RUNX1: variants seen among roughly 807,000 people sequenced by gnomAD.
RUNX1 encodes the protein runt-related transcription factor 1.
RUNX1 carries 19 observed loss-of-function variants against 42.8 expected under a neutral mutation model. The ratio of observed to expected loss-of-function variants is 0.44; its 90% CI spans 0.31 to 0.65. RUNX1 has a LOEUF of 0.65. Among genes scored for constraint, RUNX1 ranks in the 30% least tolerant of loss-of-function variants. RUNX1 has a pLI of 0.07. For missense variants in RUNX1, 528 were observed against 672.0 expected (o/e 0.79, Z 2.37); for synonymous variants, 271 against 289.4 (o/e 0.94, Z 0.64).
chr21:35,044,430 T>G (rs2059382067), intron 2 of RUNX1, among the ~76,000 whole-genome samples: 1 of 152,206 alleles, frequency 6.6e-6, no homozygotes. Context: ...TTACTTTATA[T>G]GGCTGGGCAA....
chr21:34,931,219 A>G (rs2058442053), intron 2 of RUNX1, among the ~76,000 whole-genome samples: 1 of 151,884 alleles, frequency 6.6e-6, no homozygotes, highest in Admixed American at 6.6e-5. Context: ...ACTTCTTTAG[A>G]ATCCCTCCAA....
intron 7 of RUNX1, among the ~76,000 whole-genome samples, chr21:34,810,375 A>G (rs1042696798): frequency 6.6e-6 from 1 of 152,264 alleles, no homozygotes; most frequent in Non-Finnish European, 1.5e-5. Flanking sequence ...ATTCTAATAA[A>G]ATCAGAAGAA....
At chr21:35,015,751 C>T (rs2059154689) in intron 2 of RUNX1, among the ~76,000 whole-genome samples, 1 of 152,176 alleles carries the variant, frequency 6.6e-6, no homozygotes, top group Admixed American at 6.5e-5. Context: ...GCATCATCTC[C>T]CACTAACTTC....
At chr21:34,890,569 G>A (rs2058069599) in intron 3 of RUNX1, among the ~76,000 whole-genome samples, 1 of 152,190 alleles carries the variant, frequency 6.6e-6, no homozygotes, top group African/African-American at 2.4e-5. Context: ...GCTAAGGCGG[G>A]CGGCCCGCGG....
chr21:35,006,727 G>T (rs2059087888), intron 2 of RUNX1, among the ~76,000 whole-genome samples: 1 of 152,226 alleles, frequency 6.6e-6, no homozygotes, highest in Non-Finnish European at 1.5e-5. Context: ...GGAGCATGGA[G>T]AAGTGGTGTC....
chr21:34,833,495 CATACAGAA>C (rs1173322704), intron 7 of RUNX1: 1 of 152,642 alleles, frequency 6.6e-6, no homozygotes, highest in Non-Finnish European at 1.5e-5. Context: ...ATACAACTCA[CATACAGAA>C]AATGCCTGGG....
intron 2 of RUNX1, among the ~76,000 whole-genome samples, chr21:34,896,673 ACT>A (rs1332342174): frequency 1.3e-5 from 2 of 148,902 alleles, no homozygotes; most frequent in Admixed American, 6.6e-5. Context: ...ACAGGATGAG[ACT>A]CTGTCTCATA....
intron 2 of RUNX1, among the ~76,000 whole-genome samples, chr21:34,893,663 G>GCACTGAGT (rs1278207009): frequency 1.3e-5 from 2 of 151,790 alleles, no homozygotes; most frequent in Non-Finnish European, 2.9e-5. Context: ...ATTGATAACA[G>GCACTGAGT]CACTGAGTCA....
intron 2 of RUNX1, among the ~76,000 whole-genome samples, chr21:34,979,288 C>T (rs1341221215): frequency 6.6e-6 from 1 of 151,924 alleles, no homozygotes; most frequent in Non-Finnish European, 1.5e-5. Context: ...GCTATACATC[C>T]TCATAAGTCT....
chr21:34,887,972 T>C (rs2058022897), intron 3 of RUNX1: 1 of 1,065,954 alleles, frequency 9.4e-7, no homozygotes, highest in South Asian at 4.5e-5. Flanking sequence ...GCCCAGTCGA[T>C]GACACTCAGG....
At chr21:35,038,795 G>A in intron 2 of RUNX1, 1 of 454,930 alleles carries the variant, frequency 2.2e-6, no homozygotes, top group South Asian at 1.6e-5. Flanking sequence ...CACTTCCCAG[G>A]GCTCCTTCCA....
Position 34,791,452 on chromosome 21 carries a change from C to CA in RUNX1, c.*682dup, listed in dbSNP as rs886057044. On this transcript the variant is annotated 3_prime_UTR_variant, in exon 9 of 9. Transcript: ENST00000675419. ...TGTTTCTCAAAAAAACAAAACAAAA[C>CA]AAAAAAAAACAACTACCCAAAAGTC... The CA allele has an allele frequency of 1.1e-3, 243 of 222,334 alleles. No homozygotes were observed. The highest frequency in any genetic ancestry group is 4.1e-3 in the Middle Eastern group (3 of 730). 13.8% of individuals were successfully genotyped at this position (222,334 alleles called of 1,614,324 possible). A position where few individuals can be genotyped will look rare whatever the true frequency, so the allele number is the denominator to read the frequency against.
chr21:34,943,629 T>C (rs2058544177), intron 2 of RUNX1, among the ~76,000 whole-genome samples: 2 of 152,174 alleles, frequency 1.3e-5, no homozygotes, highest in African/African-American at 4.8e-5. Flanking sequence ...TACCAGGTGA[T>C]ATTCCTTCAG....
At chr21:34,889,516 G>A (rs2058051042) in intron 3 of RUNX1, among the ~76,000 whole-genome samples, 1 of 152,090 alleles carries the variant, frequency 6.6e-6, no homozygotes, top group Admixed American at 6.5e-5. Context: ...AAGGAAAGTT[G>A]AAAGCAGCCA....
At chr21:35,020,815 G>C (rs933230698) in intron 2 of RUNX1, among the ~76,000 whole-genome samples, 1 of 152,184 alleles carries the variant, frequency 6.6e-6, no homozygotes, top group Admixed American at 6.5e-5. Context: ...CCTTTAAATA[G>C]TGTCTCATTT....
At chr21:34,913,507 C>G (rs1271379692) in intron 2 of RUNX1, among the ~76,000 whole-genome samples, 5 of 152,296 alleles carry the variant, frequency 3.3e-5, no homozygotes, top group Non-Finnish European at 7.4e-5. Context: ...CAGCCTTCTG[C>G]GTCAGCTGGA....
At chr21:35,037,213 A>T (rs748638379) in intron 2 of RUNX1, among the ~76,000 whole-genome samples, 2 of 152,196 alleles carry the variant, frequency 1.3e-5, no homozygotes, top group Non-Finnish European at 2.9e-5. Context: ...GGTCAGGAAG[A>T]AGGCATAGCA....
chr21:35,038,789 TCC>T (rs2059336186), intron 2 of RUNX1: 1 of 455,218 alleles, frequency 2.2e-6, no homozygotes, highest in Non-Finnish European at 4.4e-6. Flanking sequence ...ATCTCCCACT[TCC>T]CAGGGCTCCT....
At chr21:34,880,468 G>A (rs1188873489) in intron 5 of RUNX1, 89 bp downstream of exon 5, 1 of 1,222,606 alleles carries the variant, frequency 8.2e-7, no homozygotes. Flanking sequence ...GAGTTTCTAG[G>A]GATTCCATCA....
Sources: allele counts gnomAD v4.1 joint callset (sites outside exome capture counted in the v4.1 genomes callset), GRCh38; gene constraint gnomAD v4.1.1; transcripts MANE v1.5; gene names NCBI Gene and HGNC (gene_info 2026-07-23, HGNC 2026-07-21).